The following FHIT variants were observed in gnomAD, a reference collection of about 807,000 sequenced individuals.
FHIT encodes the protein bis(5'-adenosyl)-triphosphatase.
In FHIT, 19 loss-of-function variants were observed where a neutral mutation model predicts 17.9. The ratio of observed to expected loss-of-function variants is 1.06; its 90% CI spans 0.74 to 1.56. FHIT has a LOEUF of 1.56. Ranked by LOEUF, FHIT falls within the 40% of genes most tolerant of loss-of-function variation. The pLI is 0.00. For synonymous variants in FHIT, 81 were observed against 69.7 expected (o/e 1.16, Z -0.81); for missense variants, 248 against 189.2 (o/e 1.31, Z -1.82).
intron 5 of FHIT, among the ~76,000 whole-genome samples, chr3:60,018,493 C>T (rs1001115246): frequency 2.6e-5 from 4 of 152,094 alleles, no homozygotes; most frequent in African/African-American, 9.7e-5. Context: ...GACCAACATG[C>T]TATAAAAAAT....
At chr3:60,734,658 C>T (rs1316041247) in intron 4 of FHIT, among the ~76,000 whole-genome samples, 4 of 151,768 alleles carry the variant, frequency 2.6e-5, no homozygotes, top group Non-Finnish European at 5.9e-5. Flanking sequence ...AGCCATCCCA[C>T]CTGGCCTCAA....
At chr3:59,757,146 A>G (rs1250920064) in intron 8 of FHIT, among the ~76,000 whole-genome samples, 3 of 152,152 alleles carry the variant, frequency 2.0e-5, no homozygotes, top group African/African-American at 7.2e-5. Context: ...TTCTGATGCA[A>G]CAACAATAGT....
intron 2 of FHIT, among the ~76,000 whole-genome samples, chr3:61,133,761 G>A (rs1000861334): frequency 6.6e-6 from 1 of 152,104 alleles, no homozygotes; most frequent in African/African-American, 2.4e-5. Context: ...CTGAGAGCCA[G>A]GAGAACAACC....
At chr3:60,248,276 T>C (rs895107938) in intron 5 of FHIT, among the ~76,000 whole-genome samples, 2 of 152,186 alleles carry the variant, frequency 1.3e-5, no homozygotes, top group Admixed American at 1.3e-4. Context: ...TCAGAAATAA[T>C]ATTCCTGATC....
chr3:59,805,658 A>C (rs1164151043), intron 8 of FHIT, among the ~76,000 whole-genome samples: 1 of 152,212 alleles, frequency 6.6e-6, no homozygotes, highest in African/African-American at 2.4e-5. Context: ...AATGGAATGG[A>C]ACATTGGAAA....
Position 60,727,489 on chromosome 3 carries a change from C to G in FHIT, c.-18+94430G>C, listed in dbSNP as rs1258517651. On this transcript the variant is annotated intron_variant, in intron 4 of 9. Transcript: ENST00000492590. ...AGCAGATAGTGACTCCACTGTGATGCTGTGGTAGAGTTTGTATGGTCAGAA... is the reference window on the plus strand; with the variant it reads ...AGCAGATAGTGACTCCACTGTGATGGTGTGGTAGAGTTTGTATGGTCAGAA... Among the ~76,000 whole-genome samples the G allele has an allele frequency of 2.0e-5, 3 of 152,170 alleles. No individual in the cohort carries two copies. The East Asian group carries it at 5.8e-4, about 29-fold the overall frequency.
intron 4 of FHIT, among the ~76,000 whole-genome samples, chr3:60,748,823 AC>A (rs2042410000): frequency 6.6e-6 from 1 of 152,170 alleles, no homozygotes; most frequent in African/African-American, 2.4e-5. Context: ...AACAACAACA[AC>A]AAAAATCATA....
At chr3:60,421,265 G>T (rs1702455241) in intron 5 of FHIT, among the ~76,000 whole-genome samples, 1 of 151,938 alleles carries the variant, frequency 6.6e-6, no homozygotes, top group South Asian at 2.1e-4. Flanking sequence ...GGTTTGGTCT[G>T]GTTTCACTGA....
chr3:60,450,030 A>G (rs1042506550), intron 5 of FHIT, among the ~76,000 whole-genome samples: 5 of 149,468 alleles, frequency 3.3e-5, no homozygotes, highest in African/African-American at 1.2e-4. Context: ...AAAGGCATAA[A>G]AGGTAGAAAA....
chr3:60,127,605 A>G (rs1035230655), intron 5 of FHIT, among the ~76,000 whole-genome samples: 1 of 152,026 alleles, frequency 6.6e-6, no homozygotes, highest in Non-Finnish European at 1.5e-5. Flanking sequence ...TTTATTTTTT[A>G]TATCTATTTT....
chr3:60,061,799 G>A (rs1321676457), intron 5 of FHIT, among the ~76,000 whole-genome samples: 1 of 152,170 alleles, frequency 6.6e-6, no homozygotes, highest in Non-Finnish European at 1.5e-5. Flanking sequence ...TAGATCATAT[G>A]AAAGGAAAGC....
chr3:60,608,737 AT>A (rs2038688323), intron 4 of FHIT, among the ~76,000 whole-genome samples: 1 of 152,206 alleles, frequency 6.6e-6, no homozygotes, highest in African/African-American at 2.4e-5. Context: ...AAAAGAAAAA[AT>A]AAATCCTAAA....
chr3:60,387,916 A>G (rs1340117269), intron 5 of FHIT, among the ~76,000 whole-genome samples: 1 of 152,006 alleles, frequency 6.6e-6, no homozygotes, highest in East Asian at 1.9e-4. Flanking sequence ...TTCTCAAAGG[A>G]GTGAGCCCTC....
chr3:60,922,428 C>T (rs1440914055), intron 3 of FHIT, among the ~76,000 whole-genome samples: 1 of 152,190 alleles, frequency 6.6e-6, no homozygotes, highest in Non-Finnish European at 1.5e-5. Flanking sequence ...TATCTTTGAC[C>T]TTCACATTTG....
chr3:59,789,072 A>AT (rs1224145890), intron 8 of FHIT, among the ~76,000 whole-genome samples: 1 of 152,054 alleles, frequency 6.6e-6, no homozygotes, highest in African/African-American at 2.4e-5. Context: ...TTCACAGCCA[A>AT]TTTAATTAAA....
intron 7 of FHIT, among the ~76,000 whole-genome samples, chr3:59,959,231 T>C (rs993713902): frequency 2.0e-5 from 3 of 152,130 alleles, no homozygotes; most frequent in Admixed American, 6.5e-5. Context: ...CCAAATTTCC[T>C]CTCCAGTTCT....
At chr3:61,125,600 G>A (rs1047822616) in intron 2 of FHIT, among the ~76,000 whole-genome samples, 1 of 152,144 alleles carries the variant, frequency 6.6e-6, no homozygotes, top group African/African-American at 2.4e-5. Context: ...GCTTAAAACT[G>A]GGTATTACAT....
At chr3:59,984,465 G>A (rs574431532) in intron 7 of FHIT, among the ~76,000 whole-genome samples, 2 of 151,896 alleles carry the variant, frequency 1.3e-5, no homozygotes, top group Admixed American at 6.6e-5. Context: ...ATAGGAAGCT[G>A]GGGAATTTAT....
chr3:61,234,422 T>C (rs1164524023), intron 1 of FHIT, among the ~76,000 whole-genome samples: 2 of 152,188 alleles, frequency 1.3e-5, no homozygotes, highest in African/African-American at 2.4e-5. Context: ...GAATACTCTG[T>C]AGACATTAAT....
Sources: allele counts gnomAD v4.1 joint callset (sites outside exome capture counted in the v4.1 genomes callset), GRCh38; gene constraint gnomAD v4.1.1; transcripts MANE v1.5; gene names NCBI Gene and HGNC (gene_info 2026-07-23, HGNC 2026-07-21).